The following TSNARE1 variants were observed in gnomAD, a reference collection of about 807,000 sequenced individuals.
TSNARE1 encodes the protein t-SNARE domain containing 1, also known as t-SNARE domain-containing protein 1.
Under a neutral mutation model 62.0 loss-of-function variants are expected in TSNARE1, and 49 were observed. The ratio of observed to expected loss-of-function variants is 0.79; its 90% confidence interval spans 0.63 to 1.00. TSNARE1 has a LOEUF of 1.00. Among genes scored for constraint, TSNARE1 ranks in the 50% least tolerant of loss-of-function variants. TSNARE1 has a pLI of 0.00. For missense variants in TSNARE1, 755 were observed against 700.1 expected (o/e 1.08, Z -0.88); for synonymous variants, 328 against 294.4 (o/e 1.11, Z -1.17).
chr8:142,360,174 T>C (rs967006484), intron 1 of TSNARE1, among the ~76,000 whole-genome samples: 1 of 150,800 alleles, frequency 6.6e-6, no homozygotes, highest in Non-Finnish European at 1.5e-5. Context: ...CAGGCCAGCA[T>C]AAGGGGCTGC....
intron 1 of TSNARE1, among the ~76,000 whole-genome samples, chr8:142,372,546 G>C (rs1338943412): frequency 1.3e-5 from 2 of 152,188 alleles, no homozygotes; most frequent in African/African-American, 4.8e-5. Context: ...GAGCGGGGGT[G>C]CTGGCTTCCC....
At chr8:142,387,884 T>C (rs1315570598) in intron 1 of TSNARE1, among the ~76,000 whole-genome samples, 1 of 152,162 alleles carries the variant, frequency 6.6e-6, no homozygotes, top group Non-Finnish European at 1.5e-5. Flanking sequence ...GCATAAGAAA[T>C]ATAACTTCTA....
chr8:142,366,029 G>A (rs778332703), intron 1 of TSNARE1: 8 of 382,608 alleles, frequency 2.1e-5, no homozygotes, highest in Non-Finnish European at 4.1e-5. Context: ...TGAAAATGAA[G>A]GATTTTTCTG....
chr8:142,234,954 C>T (rs887821949), intron 12 of TSNARE1, among the ~76,000 whole-genome samples: 7 of 152,094 alleles, frequency 4.6e-5, no homozygotes, highest in Middle Eastern at 3.4e-3. Context: ...AGTCTAAATA[C>T]AAGCAGAAAA....
intron 13 of TSNARE1, among the ~76,000 whole-genome samples, chr8:142,215,159 G>A (rs1019630277): frequency 5.9e-5 from 9 of 152,330 alleles, no homozygotes; most frequent in East Asian, 3.9e-4. Flanking sequence ...CGTATTGATC[G>A]AGTGAACAAA....
chr8:142,245,179 A>C (rs1169196961), intron 12 of TSNARE1, among the ~76,000 whole-genome samples: 1 of 152,234 alleles, frequency 6.6e-6, no homozygotes, highest in Non-Finnish European at 1.5e-5. Context: ...GACAATATCG[A>C]ATACAAGATA....
intron 12 of TSNARE1, among the ~76,000 whole-genome samples, chr8:142,249,215 A>G (rs6583611): frequency 0.57 from 86,698 of 152,190 alleles, 26,847 homozygotes; most frequent in African/African-American, 0.82. Context: ...GATATGCTCT[A>G]CAAACCCCAG....
intron 1 of TSNARE1, among the ~76,000 whole-genome samples, chr8:142,386,120 T>C (rs1168384000): frequency 6.6e-6 from 1 of 152,218 alleles, no homozygotes; most frequent in African/African-American, 2.4e-5. Flanking sequence ...CTCAGATAAT[T>C]CAGCCTTCCC....
intron 1 of TSNARE1, among the ~76,000 whole-genome samples, chr8:142,365,602 GCACACACACACA>G (rs1554674591): frequency 6.9e-6 from 1 of 144,404 alleles, no homozygotes; most frequent in South Asian, 2.3e-4. Context: ...ACATGCACAC[GCACACACACACA>G]CACACACACA....
In TSNARE1 at chr8:142,300,541, GTGA is replaced by G. The variant is rs766856274; in HGVS notation, c.1232_1234del (p.Ile411del). The G allele has an allele frequency of 1.1e-5, 18 of 1,611,938 alleles. No homozygotes were observed. The highest frequency in any genetic ancestry group is 1.5e-5 in the Non-Finnish European group (18 of 1,180,014). ...CCGGATGGCCTCCAGGTCCTCTTCA[GTGA>G]TGTCCGGGAGCAGCGCCTGCTCCTG... On this transcript the variant is annotated inframe_deletion, in exon 10 of 14. Transcript: ENST00000524325.
At chr8:142,306,663 C>A (rs1026745506) in intron 9 of TSNARE1, among the ~76,000 whole-genome samples, 1 of 152,206 alleles carries the variant, frequency 6.6e-6, no homozygotes, top group African/African-American at 2.4e-5. Context: ...GCCCCCCAGT[C>A]CCCCCACATC....
intron 1 of TSNARE1, among the ~76,000 whole-genome samples, chr8:142,395,768 G>A (rs973902965): frequency 2.6e-5 from 4 of 152,178 alleles, no homozygotes; most frequent in East Asian, 1.9e-4. Context: ...GAGCAGCAGC[G>A]GGAAGGAGGT....
intron 11 of TSNARE1, chr8:142,276,370 C>T: frequency 4.1e-6 from 4 of 985,438 alleles, no homozygotes; most frequent in Non-Finnish European, 4.8e-6. Context: ...GTGACGGATC[C>T]CCCCACAATT....
intron 1 of TSNARE1, among the ~76,000 whole-genome samples, chr8:142,365,604 A>ACACACG (rs1835484371): frequency 2.3e-5 from 2 of 87,562 alleles, no homozygotes; most frequent in Non-Finnish European, 5.2e-5. Context: ...ATGCACACGC[A>ACACACG]CACACACACA....
chr8:142,317,900 G>C (rs1828831856), intron 7 of TSNARE1, among the ~76,000 whole-genome samples: 1 of 152,222 alleles, frequency 6.6e-6, no homozygotes, highest in African/African-American at 2.4e-5. Context: ...AGAAGCTGCA[G>C]TGAGCCAAGA....
intron 4 of TSNARE1, among the ~76,000 whole-genome samples, chr8:142,334,513 C>G (rs1162005490): frequency 6.6e-6 from 1 of 152,094 alleles, no homozygotes; most frequent in East Asian, 1.9e-4. Context: ...GGACGGGACA[C>G]AAAACAAACA....
At chr8:142,394,193 A>T (rs1021975168) in intron 1 of TSNARE1, among the ~76,000 whole-genome samples, 3 of 152,050 alleles carry the variant, frequency 2.0e-5, no homozygotes, top group Admixed American at 2.0e-4. Flanking sequence ...ACCCTCTCAC[A>T]CCGGTTAAGG....
At chr8:142,330,355 A>T (rs1474865623) in intron 6 of TSNARE1, among the ~76,000 whole-genome samples, 1 of 152,144 alleles carries the variant, frequency 6.6e-6, no homozygotes, top group Non-Finnish European at 1.5e-5. Flanking sequence ...TCCCCATCCC[A>T]GACCAGCCCA....
intron 1 of TSNARE1, 24 bp from the exon 2 acceptor site, chr8:142,354,787 G>A (rs1226626008): frequency 7.6e-7 from 1 of 1,320,220 alleles, no homozygotes; most frequent in Non-Finnish European, 1.1e-6. Context: ...GAAAAGCAGG[G>A]GGAAGAGGGG....
Sources: gnomAD v4.1 joint callset for allele counts (sites outside exome capture counted in the v4.1 genomes callset) on GRCh38, gnomAD v4.1.1 for gene constraint, MANE v1.5 for transcripts, NCBI Gene and HGNC (gene_info 2026-07-23, HGNC 2026-07-21) for gene names.